Variants in RAP1GDS1 observed in about 807,000 individuals in gnomAD.
The protein encoded by RAP1GDS1 is RAP1, GTP-GDP dissociation stimulator 1.
A neutral mutation model predicts 71.1 loss-of-function variants in RAP1GDS1; 35 were observed. The observed-to-expected ratio is 0.49, with a 90% CI of 0.38 to 0.65. The LOEUF (loss-of-function observed/expected upper bound fraction) is 0.65. Among genes scored for constraint, RAP1GDS1 ranks in the 30% least tolerant of loss-of-function variants. RAP1GDS1 has a pLI of 0.00. For missense variants in RAP1GDS1, 663 were observed against 706.1 expected (o/e 0.94, Z 0.69); for synonymous variants, 229 against 243.1 (o/e 0.94, Z 0.54).
At chr4:98,340,668 G>GAA (rs1735370087) in intron 2 of RAP1GDS1, among the ~76,000 whole-genome samples, 1 of 152,044 alleles carries the variant, frequency 6.6e-6, no homozygotes. Flanking sequence ...AGAATCACTT[G>GAA]AACCCAAGAG....
chr4:98,271,844 C>T (rs1723506100), intron 1 of RAP1GDS1, among the ~76,000 whole-genome samples: 1 of 152,148 alleles, frequency 6.6e-6, no homozygotes, highest in Non-Finnish European at 1.5e-5. Flanking sequence ...CTCCATTTTA[C>T]TAAATCAAAG....
chr4:98,395,595 T>C (rs1392238862), intron 6 of RAP1GDS1, among the ~76,000 whole-genome samples: 2 of 152,168 alleles, frequency 1.3e-5, no homozygotes, highest in African/African-American at 4.8e-5. Context: ...GAAAGGTTTT[T>C]CAAAAGCTAA....
intron 4 of RAP1GDS1, among the ~76,000 whole-genome samples, chr4:98,354,461 G>GT (rs1737666040): frequency 1.3e-5 from 2 of 152,160 alleles, no homozygotes; most frequent in South Asian, 4.1e-4. Flanking sequence ...TTGTCCTGGA[G>GT]TTTTTCCTAT....
At chr4:98,370,902 G>T (rs573647142) in intron 4 of RAP1GDS1, among the ~76,000 whole-genome samples, 1 of 151,982 alleles carries the variant, frequency 6.6e-6, no homozygotes, top group Non-Finnish European at 1.5e-5. Context: ...TTACTACTCT[G>T]TCTTCCTCAT....
At chr4:98,317,846 CTT>C (rs10690106) in intron 2 of RAP1GDS1, among the ~76,000 whole-genome samples, 4 of 139,030 alleles carry the variant, frequency 2.9e-5, no homozygotes, top group African/African-American at 2.7e-5. Context: ...CTTTTCTTCT[CTT>C]TTTTTTTTTT....
chr4:98,439,962 G>A (rs1430397410), intron 14 of RAP1GDS1, among the ~76,000 whole-genome samples: 1 of 152,100 alleles, frequency 6.6e-6, no homozygotes, highest in African/African-American at 2.4e-5. Flanking sequence ...TTCCCAAACT[G>A]AAACTCTGTA....
intron 3 of RAP1GDS1, among the ~76,000 whole-genome samples, chr4:98,346,100 T>G (rs1736202618): frequency 6.6e-6 from 1 of 152,164 alleles, no homozygotes; most frequent in Non-Finnish European, 1.5e-5. Flanking sequence ...CAACCATCTG[T>G]TTTAACAAGT....
chr4:98,269,817 A>C (rs976049802), intron 1 of RAP1GDS1, among the ~76,000 whole-genome samples: 1 of 152,186 alleles, frequency 6.6e-6, no homozygotes, highest in African/African-American at 2.4e-5. Context: ...AATCTGAATA[A>C]TTTCAAAATC....
intron 12 of RAP1GDS1, among the ~76,000 whole-genome samples, chr4:98,433,673 G>T (rs533211097): frequency 6.6e-6 from 1 of 152,094 alleles, no homozygotes; most frequent in African/African-American, 2.4e-5. Context: ...CTTTGGCTTT[G>T]GTAGCTTCTA....
intron 6 of RAP1GDS1, among the ~76,000 whole-genome samples, chr4:98,395,119 C>A (rs1203488222): frequency 6.6e-6 from 1 of 152,040 alleles, no homozygotes; most frequent in Non-Finnish European, 1.5e-5. Flanking sequence ...AAAAATAATT[C>A]TTGATGTACA....
chr4:98,320,167 G>A (rs72896317), intron 2 of RAP1GDS1, among the ~76,000 whole-genome samples: 21,209 of 152,216 alleles, frequency 0.14, 2,130 homozygotes, highest in African/African-American at 0.28. Flanking sequence ...CTTCTGGTCA[G>A]CAATAGGCTA....
At chr4:98,383,019 G>A (rs1165415642) in intron 5 of RAP1GDS1, among the ~76,000 whole-genome samples, 5 of 151,548 alleles carry the variant, frequency 3.3e-5, no homozygotes, top group Admixed American at 6.6e-5. Flanking sequence ...TTAATTGCAC[G>A]TTTGAATAGA....
At chr4:98,312,371 C>T (rs964351632) in intron 2 of RAP1GDS1, among the ~76,000 whole-genome samples, 5 of 152,082 alleles carry the variant, frequency 3.3e-5, no homozygotes, top group African/African-American at 1.2e-4. Context: ...CCCTAATCAT[C>T]TTTCTGTCAG....
chr4:98,360,855 T>C (rs1738634750), intron 4 of RAP1GDS1, among the ~76,000 whole-genome samples: 1 of 152,050 alleles, frequency 6.6e-6, no homozygotes. Flanking sequence ...GTGGATCACT[T>C]GAGGTCAGGA....
intron 12 of RAP1GDS1, among the ~76,000 whole-genome samples, chr4:98,429,256 CA>C (rs1226326098): frequency 2.4e-3 from 163 of 68,374 alleles, no homozygotes; most frequent in Admixed American, 6.6e-3. Flanking sequence ...AGACGTGTCT[CA>C]AAAAAAAAAA....
At chr4:98,304,474 G>C (rs1729030033) in intron 2 of RAP1GDS1, among the ~76,000 whole-genome samples, 1 of 151,952 alleles carries the variant, frequency 6.6e-6, no homozygotes, top group Non-Finnish European at 1.5e-5. Context: ...TTTCCTGTTT[G>C]TTGGCCGCAT....
rs948166588 is a variant in RAP1GDS1 at position 98,438,830 on chromosome 4, C to T, written c.1696+1762C>T. ...GGCTGATACTGAACTCCTGACCACC[C>T]GTCAGGGTGATCCACCTGCCTTGGC... On this transcript the variant is annotated intron_variant, in intron 14 of 14. Coordinates refer to ENST00000408927, the MANE Select transcript of RAP1GDS1 (RefSeq NM_001100427.2). Among the ~76,000 whole-genome samples, 14 of 151,616 alleles carry T rather than the reference C, an allele frequency of 9.2e-5. No homozygotes were observed. In the East Asian group the frequency reaches 9.7e-4, roughly 11 times the overall value.
At chr4:98,330,468 G>A (rs1449264185) in intron 2 of RAP1GDS1, among the ~76,000 whole-genome samples, 1 of 150,194 alleles carries the variant, frequency 6.7e-6, no homozygotes, top group African/African-American at 2.4e-5. Flanking sequence ...TCCCAGACGG[G>A]GTGGCGGCTG....
Position 98,418,643 on chromosome 4 carries a change from G to GTTT in RAP1GDS1, c.1040-6_1040-4dup. ...TTTAAAGAGGAAGAAAAAGATGTGT[G>GTTT]TTTTTTTTTTCAGATGCAAATTGTA... On this transcript the variant is annotated splice_polypyrimidine_tract_variant and intron_variant, in intron 9 of 14. Coordinates refer to ENST00000408927, the MANE Select transcript of RAP1GDS1 (RefSeq NM_001100427.2). The GTTT allele has an allele frequency of 1.4e-6, 2 of 1,384,736 alleles. No individual in the cohort carries two copies. The highest frequency in any genetic ancestry group is 1.4e-5 in the South Asian group (1 of 72,922). 85.8% of individuals were successfully genotyped at this position (1,384,736 alleles called of 1,614,324 possible). A position where few individuals can be genotyped will look rare whatever the true frequency, so the allele number is the denominator to read the frequency against.
Sources: gnomAD v4.1 joint callset for allele counts (sites outside exome capture counted in the v4.1 genomes callset) on GRCh38, gnomAD v4.1.1 for gene constraint, MANE v1.5 for transcripts, NCBI Gene and HGNC (gene_info 2026-07-23, HGNC 2026-07-21) for gene names.